Variants in SNX29 observed in about 807,000 individuals in gnomAD.
SNX29 encodes the protein sorting nexin-29.
A neutral mutation model predicts 102.1 loss-of-function variants in SNX29; 78 were observed. The ratio of observed to expected loss-of-function variants is 0.76; its 90% confidence interval spans 0.64 to 0.92. SNX29 has a LOEUF of 0.92. SNX29 is among the 40% of genes least tolerant of loss of function. The probability of loss-of-function intolerance (pLI) is 0.00; values close to 1 mark genes in which losing one functional copy is unlikely to be tolerated. For synonymous variants in SNX29, 580 were observed against 414.5 expected, an observed-to-expected ratio of 1.40 and a Z score of -4.85; for missense variants, 1,280 against 1,061.7, an observed-to-expected ratio of 1.21 and a Z score of -2.86.
chr16:12,467,374 C>T (rs759725297), intron 18 of SNX29, among the ~76,000 whole-genome samples: 2 of 152,232 alleles, frequency 1.3e-5, no homozygotes, highest in Non-Finnish European at 2.9e-5. Flanking sequence ...CTCTCCTTTT[C>T]CTTTTCCAAA....
intron 18 of SNX29, among the ~76,000 whole-genome samples, chr16:12,424,526 A>G (rs1379246794): frequency 6.6e-6 from 1 of 152,180 alleles, no homozygotes; most frequent in Non-Finnish European, 1.5e-5. Flanking sequence ...GACTGCTGGT[A>G]CCTGCAAATT....
At chr16:12,345,129 C>A (rs1163075315) in intron 15 of SNX29, among the ~76,000 whole-genome samples, 1 of 152,192 alleles carries the variant, frequency 6.6e-6, no homozygotes, top group Non-Finnish European at 1.5e-5. Flanking sequence ...GCAGTGATCT[C>A]CAGTAACACA....
intron 20 of SNX29, among the ~76,000 whole-genome samples, chr16:12,538,379 C>G (rs1540277): frequency 2.6e-5 from 4 of 152,050 alleles, no homozygotes; most frequent in Non-Finnish European, 5.9e-5. Context: ...CGTGAGCCAC[C>G]GCGCCCGGCC....
chr16:12,052,760 GC>G (rs1347910475), intron 8 of SNX29: 2 of 165,034 alleles, frequency 1.2e-5, no homozygotes, highest in African/African-American at 4.8e-5. Flanking sequence ...TGAAATTCTT[GC>G]TTTATACATA....
intron 16 of SNX29, chr16:12,366,985 C>T (rs1233889505): frequency 6.6e-6 from 1 of 152,208 alleles, no homozygotes; most frequent in African/African-American, 2.4e-5. Context: ...CTGTATGTTA[C>T]CATGATAATT....
rs1006391125 is a variant in SNX29, at chr16:12,571,986, C to G, written c.*3357C>G. The stretch of plus-strand genomic sequence containing the variant: ...TCTATGGTGGTAGCCATCTTCACAT[C>G]CAGTCACCAGTTGCATCTAGGGAGC... On this transcript the variant is annotated 3_prime_UTR_variant, in exon 21 of 21. Coordinates refer to ENST00000566228, the MANE Select transcript of SNX29 (RefSeq NM_032167.5). 3 of 1,062,092 alleles carry G rather than the reference C, an allele frequency of 2.8e-6. No homozygotes were observed. The highest frequency in any genetic ancestry group is 3.3e-5 in the African/African-American group (2 of 60,882). The allele number at this position is 1,062,092 out of a possible 1,614,324, so 65.8% of individuals were successfully genotyped here. A position where few individuals can be genotyped will look rare whatever the true frequency, so the allele number is the denominator to read the frequency against.
Position 12,048,599 on chromosome 16 carries a change from G to A in SNX29, c.727G>A (p.Val243Met), listed in dbSNP as rs532249868. 3.7e-5 allele frequency: 60 copies of A among 1,613,914 alleles called. No homozygotes were observed. Among genetic ancestry groups the A allele is most frequent in the East Asian group, 1.8e-4 (8 of 44,880 alleles). Residue 243 changes from valine to methionine, a missense_variant, in exon 7 of 21, where the codon GTG (valine) becomes ATG (methionine). Coordinates refer to ENST00000566228, the MANE Select transcript of SNX29 (RefSeq NM_032167.5). The stretch of plus-strand genomic sequence containing the variant: ...ACAGGAGACCGACCCCTTGCCTGTC[G>A]TGTCCAGGAATGTCAGTGCTGGTGA... ...PEQETDPLPV[V>M]SRNVSADAKC...
chr16:12,022,556 A>C (rs1225409900), intron 3 of SNX29, among the ~76,000 whole-genome samples: 1 of 152,172 alleles, frequency 6.6e-6, no homozygotes, highest in Non-Finnish European at 1.5e-5. Context: ...ATCACAATTC[A>C]GTTTTAGAGC....
At chr16:12,290,335 CTTTT>C (rs542642194) in intron 15 of SNX29, among the ~76,000 whole-genome samples, 1 of 152,128 alleles carries the variant, frequency 6.6e-6, no homozygotes, top group Non-Finnish European at 1.5e-5. Flanking sequence ...GAACCCTGTT[CTTTT>C]TTTATGAACC....
At chr16:12,316,971 C>T (rs2080765126) in intron 15 of SNX29, among the ~76,000 whole-genome samples, 1 of 152,208 alleles carries the variant, frequency 6.6e-6, no homozygotes, top group Non-Finnish European at 1.5e-5. Context: ...GGCAGGAGCC[C>T]ATCACAGAGG....
At chr16:12,556,189 G>A (rs73510263) in intron 20 of SNX29, among the ~76,000 whole-genome samples, 1,611 of 152,266 alleles carry the variant, frequency 0.011, 23 homozygotes, top group African/African-American at 0.037. Context: ...AGATGTTGCT[G>A]AGTCTGAAAT....
At chr16:12,432,232 C>T (rs80339090) in intron 18 of SNX29, among the ~76,000 whole-genome samples, 2,463 of 152,312 alleles carry the variant, frequency 0.016, 74 homozygotes, top group African/African-American at 0.057. Flanking sequence ...ATCGGTCCTC[C>T]GCATTTACGC....
In SNX29 at chr16:12,098,537, C is replaced by G. The variant is rs971978628; in HGVS notation, c.1402+19622C>G. Among the ~76,000 whole-genome samples the G allele has an allele frequency of 1.3e-5, 2 of 152,188 alleles. No individual in the cohort carries two copies. Among genetic ancestry groups the G allele is most frequent in the Admixed American group, 6.5e-5 (1 of 15,284 alleles). On this transcript the variant is annotated intron_variant, in intron 11 of 20. Coordinates refer to ENST00000566228, the MANE Select transcript of SNX29 (RefSeq NM_032167.5). This position sits in a 1 kb window ranked among gnomAD's most constrained non-coding sequence, Gnocchi z 6.0. The stretch of plus-strand genomic sequence containing the variant: ...GCTGCTTCCAGGTGTCTGTACACAC[C>G]GTCGGTTTCATGTGCGCAGACGATT...
At chr16:12,015,144 G>T (rs918876732) in intron 3 of SNX29, among the ~76,000 whole-genome samples, 1 of 151,950 alleles carries the variant, frequency 6.6e-6, no homozygotes, top group Non-Finnish European at 1.5e-5. Flanking sequence ...TAGCCTTATT[G>T]CCATTGTTTT....
At chr16:12,131,138 C>A (rs942984409) in intron 13 of SNX29, among the ~76,000 whole-genome samples, 2 of 152,224 alleles carry the variant, frequency 1.3e-5, no homozygotes, top group Non-Finnish European at 2.9e-5. Flanking sequence ...CCTGCTGCGA[C>A]GCAGCTGTGC....
chr16:12,266,946 G>A (rs2078946816), intron 14 of SNX29, among the ~76,000 whole-genome samples: 1 of 152,026 alleles, frequency 6.6e-6, no homozygotes, highest in African/African-American at 2.4e-5. Flanking sequence ...TATTTTTAGT[G>A]GAGATGGGGT....
At chr16:12,352,863 A>G (rs1325677307) in intron 15 of SNX29, among the ~76,000 whole-genome samples, 1 of 152,082 alleles carries the variant, frequency 6.6e-6, no homozygotes, top group African/African-American at 2.4e-5. Context: ...CTCCTTAACT[A>G]CCTGCAGATG....
chr16:12,250,471 A>G (rs1447164891), intron 14 of SNX29, among the ~76,000 whole-genome samples: 1 of 152,172 alleles, frequency 6.6e-6, no homozygotes, highest in Admixed American at 6.5e-5. Context: ...GCTGACCAGA[A>G]GCACAGCTAT....
At chr16:12,448,258 A>T (rs993565380) in intron 18 of SNX29, among the ~76,000 whole-genome samples, 1 of 152,068 alleles carries the variant, frequency 6.6e-6, no homozygotes, top group Non-Finnish European at 1.5e-5. Context: ...CCACCTTTCC[A>T]TGTCCTCCTT....
Sources: gnomAD v4.1 joint callset for allele counts (sites outside exome capture counted in the v4.1 genomes callset) on GRCh38, gnomAD v4.1.1 for gene constraint, Gnocchi (gnomAD v3.1) non-coding constraint, MANE v1.5 for transcripts, NCBI Gene and HGNC (gene_info 2026-07-23, HGNC 2026-07-21) for gene names.